The following GPC3 variants were observed in gnomAD, a reference collection of about 807,000 sequenced individuals.
GPC3 encodes glypican 3.
A neutral mutation model predicts 34.4 loss-of-function variants in GPC3; 3 were observed. The observed-to-expected ratio is 0.09, with a 90% CI of 0.04 to 0.23. GPC3 has a LOEUF of 0.23. GPC3 is among the 10% of genes least tolerant of loss of function. The pLI, the probability that GPC3 is intolerant of heterozygous loss-of-function variation, is 1.00. For missense variants in GPC3, 351 were observed against 445.6 expected, an observed-to-expected ratio of 0.79 and a Z score of 1.91; for synonymous variants, 177 against 174.0, an observed-to-expected ratio of 1.02 and a Z score of -0.13.
At chrX:133,779,202 T>C (rs1603245969) in intron 2 of GPC3, among the ~76,000 whole-genome samples, 1 of 112,911 alleles carries the variant, frequency 8.9e-6, no homozygotes, top group African/African-American at 3.2e-5. Flanking sequence ...CCTCTTCTTA[T>C]GAATTTAAGC....
chrX:133,552,395 G>C (rs1454097075), intron 7 of GPC3, among the ~76,000 whole-genome samples: 1 of 111,871 alleles, frequency 8.9e-6, no homozygotes, highest in Non-Finnish European at 1.9e-5. Context: ...GTCTTTTGGA[G>C]ACCATGACTC....
chrX:133,889,831 C>CTTTTTTTTTTTTTTTTTTTTT (rs781203121), intron 2 of GPC3, among the ~76,000 whole-genome samples: 4 of 75,796 alleles, frequency 5.3e-5, no homozygotes, highest in African/African-American at 1.9e-4. Context: ...TTCTAGCCTT[C>CTTTTTTTTTTTTTTTTTTTTT]TTTTTTTTTT....
chrX:133,914,284 T>G (rs980967658), intron 2 of GPC3, among the ~76,000 whole-genome samples: 1 of 111,212 alleles, frequency 9.0e-6, no homozygotes, highest in Non-Finnish European at 1.9e-5. Flanking sequence ...GCCTGTATCA[T>G]GTGCCCTTTA....
At chrX:133,881,487 G>T (rs2076041304) in intron 2 of GPC3, among the ~76,000 whole-genome samples, 2 of 112,198 alleles carry the variant, frequency 1.8e-5, no homozygotes, top group Admixed American at 1.9e-4. Flanking sequence ...TTACCTAATT[G>T]TTAATGAATT....
At chrX:133,906,235 C>A (rs1057487151) in intron 2 of GPC3, among the ~76,000 whole-genome samples, 3 of 111,935 alleles carry the variant, frequency 2.7e-5, no homozygotes, top group African/African-American at 6.5e-5. Context: ...ATCAAGATAT[C>A]TCTGCCATTA....
intron 5 of GPC3, among the ~76,000 whole-genome samples, chrX:133,682,838 G>A (rs763727494): frequency 2.2e-3 from 246 of 109,807 alleles, no homozygotes; most frequent in Middle Eastern, 4.7e-3. Flanking sequence ...ATGGTGGCAC[G>A]TGCCTATAAT....
intron 7 of GPC3, among the ~76,000 whole-genome samples, chrX:133,584,450 C>T (rs1014992287): frequency 8.9e-6 from 1 of 111,840 alleles, no homozygotes; most frequent in Non-Finnish European, 1.9e-5. Context: ...TCCTCGGAAA[C>T]CTGAATTTGT....
intron 2 of GPC3, among the ~76,000 whole-genome samples, chrX:133,894,835 G>C (rs1381414915): frequency 3.6e-5 from 4 of 111,833 alleles, no homozygotes; most frequent in African/African-American, 1.3e-4. Context: ...GCAAGACTCT[G>C]CCTCAAAATA....
At chrX:133,912,472 T>C (rs2076204819) in intron 2 of GPC3, among the ~76,000 whole-genome samples, 2 of 110,884 alleles carry the variant, frequency 1.8e-5, no homozygotes, top group Non-Finnish European at 3.8e-5. Context: ...AGATTTGGGG[T>C]TGCAATGAAT....
Position 133,953,114 on chromosome X carries a change from C to T in GPC3, c.273G>A (p.Gln91=). Residue 91 remains glutamine (Q), a synonymous_variant, in exon 2 of 8, where the codon CAG becomes CAA. Coordinates refer to ENST00000370818, the MANE Select transcript of GPC3 (RefSeq NM_004484.4). ...GCTCCATACTTGCAGACTGAAGCAG[C>T]TGTTCCATGTTCAATCGTGCTGTTA... is the stretch of plus-strand genomic sequence containing the variant. ...YQLTARLNME[Q]LLQSASMELK... 1 of 1,207,316 alleles carries T rather than the reference C, an allele frequency of 8.3e-7. No homozygotes were observed. Among genetic ancestry groups the T allele is most frequent in the Non-Finnish European group, 1.1e-6 (1 of 891,394 alleles).
intron 4 of GPC3, among the ~76,000 whole-genome samples, chrX:133,692,901 C>A (rs1218694739): frequency 9.0e-6 from 1 of 111,231 alleles, no homozygotes; most frequent in East Asian, 2.8e-4. Context: ...TGCTATTACC[C>A]TAGAGATGGT....
chrX:133,562,503 C>T (rs1318375847), intron 7 of GPC3, among the ~76,000 whole-genome samples: 3 of 110,518 alleles, frequency 2.7e-5, no homozygotes, highest in Admixed American at 9.7e-5. Flanking sequence ...CAGTGGTGGG[C>T]GCCTGTAATC....
At chrX:133,827,731 C>T (rs1373020853) in intron 2 of GPC3, among the ~76,000 whole-genome samples, 4 of 109,088 alleles carry the variant, frequency 3.7e-5, no homozygotes, top group Non-Finnish European at 7.6e-5. Flanking sequence ...TGCAGTGAGC[C>T]GAGATCACGC....
intron 2 of GPC3, among the ~76,000 whole-genome samples, chrX:133,923,719 C>A (rs183795837): frequency 8.9e-6 from 1 of 112,475 alleles, no homozygotes; most frequent in East Asian, 2.8e-4. Flanking sequence ...GCCCTAGGCT[C>A]GGCAGTGGCC....
At chrX:133,609,931 T>C (rs2070092295) in intron 6 of GPC3, among the ~76,000 whole-genome samples, 1 of 112,353 alleles carries the variant, frequency 8.9e-6, no homozygotes, top group Admixed American at 9.5e-5. Flanking sequence ...TTCTCTGAAA[T>C]AAGTATACAG....
At chrX:133,779,713 T>C (rs1345567292) in intron 2 of GPC3, among the ~76,000 whole-genome samples, 1 of 110,354 alleles carries the variant, frequency 9.1e-6, no homozygotes, top group African/African-American at 3.3e-5. Flanking sequence ...GTTTAGATGA[T>C]TCATAGGAGT....
intron 2 of GPC3, among the ~76,000 whole-genome samples, chrX:133,849,653 T>C (rs2075863572): frequency 9.0e-6 from 1 of 111,562 alleles, no homozygotes; most frequent in Non-Finnish European, 1.9e-5. Context: ...TGCCTGATCC[T>C]TGCTGCAGAC....
intron 2 of GPC3, among the ~76,000 whole-genome samples, chrX:133,887,942 A>G (rs1384510628): frequency 9.6e-6 from 1 of 104,212 alleles, no homozygotes; most frequent in African/African-American, 3.5e-5. Context: ...TTTTTTTAAT[A>G]CTTTAAGTTC....
chrX:133,662,605 G>A (rs2070737265), intron 5 of GPC3, among the ~76,000 whole-genome samples: 1 of 112,467 alleles, frequency 8.9e-6, no homozygotes, highest in Admixed American at 9.4e-5. Flanking sequence ...CTTCAACTGG[G>A]ACAGTGATTC....
Sources: allele counts gnomAD v4.1 joint callset (sites outside exome capture counted in the v4.1 genomes callset), GRCh38; gene constraint gnomAD v4.1.1; transcripts MANE v1.5; gene names NCBI Gene and HGNC (gene_info 2026-07-23, HGNC 2026-07-21).